ACTR3: variants seen among roughly 807,000 people sequenced by gnomAD.
ACTR3 encodes actin-related protein 3.
ACTR3 carries 12 observed loss-of-function variants against 56.8 expected under a neutral mutation model. The observed-to-expected ratio is 0.21, with a 90% CI of 0.14 to 0.34. The LOEUF is 0.34. ACTR3 is among the 10% of genes least tolerant of loss of function. The probability of loss-of-function intolerance (pLI) is 1.00; values close to 1 mark genes in which losing one functional copy is unlikely to be tolerated. For synonymous variants in ACTR3, 162 were observed against 167.4 expected, an observed-to-expected ratio of 0.97 and a Z score of 0.25; for missense variants, 282 against 512.5, an observed-to-expected ratio of 0.55 and a Z score of 4.34.
At position 113,924,596 on chromosome 2, in the gene ACTR3, A is replaced by G. The variant is rs1336990587; in HGVS notation, c.226-2749A>G. ...AGAATAAAACCTAAATAAAAGGAAA[A>G]TTTTTGAGAATCTAGTCCCTTTGAT... is the stretch of plus-strand genomic sequence containing the variant. On this transcript the variant is annotated intron_variant, in intron 3 of 11. Coordinates refer to ENST00000263238, the MANE Select transcript of ACTR3 (RefSeq NM_005721.5). Among the ~76,000 whole-genome samples the G allele has an allele frequency of 2.6e-5, 4 of 152,168 alleles. No individual in the cohort carries two copies. In the South Asian group the frequency reaches 6.2e-4, roughly 24 times the overall value.
chr2:113,903,355 GCTA>G (rs1329200844), intron 1 of ACTR3, among the ~76,000 whole-genome samples: 1 of 151,924 alleles, frequency 6.6e-6, no homozygotes, highest in Non-Finnish European at 1.5e-5. Flanking sequence ...AAAATTTTTA[GCTA>G]CTATTCCTTT....
At chr2:113,924,620 A>T (rs1679582089) in intron 3 of ACTR3, among the ~76,000 whole-genome samples, 1 of 152,180 alleles carries the variant, frequency 6.6e-6, no homozygotes. Context: ...AGTCCCTTTG[A>T]TCTAGAACTG....
chr2:113,891,455 T>C (rs375380899), intron 1 of ACTR3, among the ~76,000 whole-genome samples: 102 of 151,846 alleles, frequency 6.7e-4, no homozygotes, highest in Middle Eastern at 3.4e-3. Flanking sequence ...CATAACTGCA[T>C]AGAGAATAGA....
intron 1 of ACTR3, among the ~76,000 whole-genome samples, chr2:113,894,229 ATTATAGGCGCCCACT>A (rs1195644584): frequency 1.3e-5 from 2 of 151,792 alleles, no homozygotes; most frequent in African/African-American, 4.8e-5. Flanking sequence ...AGTAGCTGGG[ATTATAGGCGCCCACT>A]ACCACGCCCA....
intron 1 of ACTR3, among the ~76,000 whole-genome samples, chr2:113,910,189 C>G (rs1299043873): frequency 6.6e-6 from 1 of 152,068 alleles, no homozygotes; most frequent in African/African-American, 2.4e-5. Context: ...TTAAGTTGAT[C>G]ACCAGTGGCC....
intron 1 of ACTR3, among the ~76,000 whole-genome samples, chr2:113,906,547 T>C (rs1351975236): frequency 2.0e-5 from 3 of 152,196 alleles, no homozygotes; most frequent in Non-Finnish European, 2.9e-5. Context: ...CCAAATTTAG[T>C]ATCATGAAGC....
intron 1 of ACTR3, among the ~76,000 whole-genome samples, chr2:113,903,395 C>G (rs926521241): frequency 1.3e-5 from 2 of 152,170 alleles, no homozygotes; most frequent in African/African-American, 4.8e-5. Context: ...GAGACTGAGT[C>G]TTGCTCTGTT....
chr2:113,921,938 G>C (rs953352042), intron 3 of ACTR3, among the ~76,000 whole-genome samples: 25 of 152,146 alleles, frequency 1.6e-4, no homozygotes, highest in African/African-American at 6.0e-4. Context: ...TTTGAGTAGA[G>C]GAGGAAAAGT....
chr2:113,918,069 T>C (rs1265009345), intron 3 of ACTR3, among the ~76,000 whole-genome samples: 2 of 152,288 alleles, frequency 1.3e-5, no homozygotes, highest in Admixed American at 6.5e-5. Context: ...ATGACCAATA[T>C]GCCTGAAGCA....
chr2:113,951,698 A>C (rs368331727), intron 9 of ACTR3, 22 bp from the exon 10 acceptor site: 133 of 1,533,464 alleles, frequency 8.7e-5, no homozygotes, highest in Admixed American at 2.8e-4. Context: ...TTTAAATATT[A>C]TATTTATTTT....
intron 1 of ACTR3, among the ~76,000 whole-genome samples, chr2:113,903,743 T>A (rs931063715): frequency 2.6e-5 from 4 of 151,852 alleles, no homozygotes; most frequent in Non-Finnish European, 2.9e-5. Flanking sequence ...ATCTACCCAC[T>A]TCGGCCTCCC....
At chr2:113,908,730 A>G (rs1006248165) in intron 1 of ACTR3, among the ~76,000 whole-genome samples, 1 of 152,046 alleles carries the variant, frequency 6.6e-6, no homozygotes. Flanking sequence ...GTTTGCTAGT[A>G]GTATAAAGCG....
intron 1 of ACTR3, among the ~76,000 whole-genome samples, chr2:113,902,247 C>G (rs1559457931): frequency 6.6e-6 from 1 of 152,272 alleles, no homozygotes; most frequent in African/African-American, 2.4e-5. Flanking sequence ...AGCCTCCTCT[C>G]TCACCTAGCC....
chr2:113,915,724 A>G (rs979165906), intron 2 of ACTR3, among the ~76,000 whole-genome samples: 3 of 152,166 alleles, frequency 2.0e-5, no homozygotes, highest in Non-Finnish European at 4.4e-5. Flanking sequence ...TCTCATCACT[A>G]TTGAATCCAT....
At chr2:113,940,817 T>A (rs1036566158) in intron 7 of ACTR3, among the ~76,000 whole-genome samples, 7 of 147,756 alleles carry the variant, frequency 4.7e-5, no homozygotes, top group Non-Finnish European at 8.8e-5. Flanking sequence ...CTTATTTTTA[T>A]TGATTTTTTT....
intron 11 of ACTR3, among the ~76,000 whole-genome samples, chr2:113,956,450 T>C (rs1171821447): frequency 6.6e-6 from 1 of 151,992 alleles, no homozygotes; most frequent in Non-Finnish European, 1.5e-5. Context: ...AAAGTTTATC[T>C]GTAGGGAAAG....
intron 8 of ACTR3, among the ~76,000 whole-genome samples, chr2:113,947,753 A>G (rs1324104436): frequency 6.6e-6 from 1 of 152,166 alleles, no homozygotes; most frequent in Non-Finnish European, 1.5e-5. Context: ...CTTGCTGCTA[A>G]TGTTTCATAT....
chr2:113,921,775 T>A (rs1235404817), intron 3 of ACTR3, among the ~76,000 whole-genome samples: 1 of 152,112 alleles, frequency 6.6e-6, no homozygotes, highest in Non-Finnish European at 1.5e-5. Context: ...TGAGATTTTG[T>A]TAGAGTCAAA....
chr2:113,929,291 G>C (rs1351957462), intron 4 of ACTR3, among the ~76,000 whole-genome samples: 1 of 151,908 alleles, frequency 6.6e-6, no homozygotes, highest in Admixed American at 6.6e-5. Context: ...CACAGGCCCG[G>C]GCCACCACAC....
Sources: gnomAD v4.1 joint callset for allele counts (sites outside exome capture counted in the v4.1 genomes callset) on GRCh38, gnomAD v4.1.1 for gene constraint, MANE v1.5 for transcripts, NCBI Gene and HGNC (gene_info 2026-07-23, HGNC 2026-07-21) for gene names.